The following LATS2 variants were observed in gnomAD, a reference collection of about 807,000 sequenced individuals.
The protein encoded by LATS2 is serine/threonine-protein kinase LATS2.
In LATS2, 24 loss-of-function variants were observed where a neutral mutation model predicts 76.0. The ratio of observed to expected loss-of-function variants is 0.32; its 90% CI spans 0.23 to 0.44. LATS2 has a LOEUF of 0.44. LATS2 is among the 20% of genes least tolerant of loss of function. LATS2 has a pLI of 1.00. For missense variants in LATS2, 1,286 were observed against 1,481.2 expected (o/e 0.87, Z 2.16); for synonymous variants, 692 against 635.4 (o/e 1.09, Z -1.34).
Position 21,046,059 on chromosome 13 carries a change from A to G in LATS2, c.-33T>C, listed in dbSNP as rs1873065881. 1 of 1,437,206 alleles carries G rather than the reference A, an allele frequency of 7.0e-7. No individual in the cohort carries two copies. The allele number at this position is 1,437,206 out of a possible 1,614,324, so 89.0% of individuals were successfully genotyped here. A position where few individuals can be genotyped will look rare whatever the true frequency, so the allele number is the denominator to read the frequency against. On this transcript the variant is annotated 5_prime_UTR_variant, in exon 2 of 8. Transcript: ENST00000382592. ...CCAGTTTCCTTTTACCATAAATACA[A>G]TCTTCTTAAAGTGTTTTATTATTTA...
chr13:20,988,374 G>T lies in LATS2; in HGVS notation c.1406C>A (p.Pro469His). The T allele has an allele frequency of 7.3e-7, 1 of 1,371,398 alleles. No individual in the cohort carries two copies. The highest frequency in any genetic ancestry group is 1.5e-5 in the African/African-American group (1 of 64,912). 85.0% of individuals were successfully genotyped at this position (1,371,398 alleles called of 1,614,324 possible). The change falls in exon 4 of 8, where the codon CCT becomes CAT. Residue 469 changes from proline to histidine, a missense_variant. Transcript: ENST00000382592. Reference sequence around the variant, plus strand: ...GGGGGCGGGGGCGGGGGCCGGGGCAGGCGCGGGCACCCAGGCGGGGTGCGA... The same window carrying T: ...GGGGGCGGGGGCGGGGGCCGGGGCATGCGCGGGCACCCAGGCGGGGTGCGA... ...GPSHPAWVPA[P>H]APAPAPAPAP...
At chr13:21,047,387 G>A (rs986279176) in intron 1 of LATS2, among the ~76,000 whole-genome samples, 7 of 152,160 alleles carry the variant, frequency 4.6e-5, no homozygotes, top group East Asian at 1.9e-4. Flanking sequence ...TCTTCACCCC[G>A]TGATGAATGT....
chr13:21,010,935 C>T (rs1422623937), intron 2 of LATS2, among the ~76,000 whole-genome samples: 1 of 152,252 alleles, frequency 6.6e-6, no homozygotes, highest in Non-Finnish European at 1.5e-5. Flanking sequence ...CTTTATAAAA[C>T]ACAAACACTC....
At chr13:21,044,689 GGTGTGTGT>G (rs71090554) in intron 2 of LATS2, among the ~76,000 whole-genome samples, 48,205 of 137,430 alleles carry the variant, frequency 0.35, 8,862 homozygotes, top group South Asian at 0.42. Context: ...GAGGTGTAGG[GGTGTGTGT>G]GTGTGTGTGT....
intron 2 of LATS2, among the ~76,000 whole-genome samples, chr13:21,028,716 A>G (rs947500373): frequency 2.0e-5 from 3 of 152,162 alleles, no homozygotes; most frequent in Non-Finnish European, 2.9e-5. Context: ...GATTACAGGC[A>G]TGCACCACCA....
Position 20,975,227 on chromosome 13 carries a change from G to A in LATS2, c.2910C>T (p.His970=), listed in dbSNP as rs1459111562. The change falls in exon 8 of 8, where the codon CAC becomes CAT. Residue 970 remains histidine, a synonymous_variant. Transcript: ENST00000382592. The stretch of plus-strand genomic sequence containing the variant: ...AGAAGTCAATGGCGCTGAAGAAGGG[G>A]TGGGCCTTCAGGTCATCGGCCCCAT... ...GRNGADDLKA[H]PFFSAIDFSS... The A allele has an allele frequency of 1.2e-6, 2 of 1,614,104 alleles. No individual in the cohort carries two copies. Among genetic ancestry groups the A allele is most frequent in the Non-Finnish European group, 1.7e-6 (2 of 1,180,048 alleles).
chr13:21,042,771 A>ATTG (rs1363658532), intron 2 of LATS2, among the ~76,000 whole-genome samples: 2 of 148,538 alleles, frequency 1.3e-5, no homozygotes, highest in Non-Finnish European at 3.0e-5. Context: ...GGCGGATCAC[A>ATTG]AGGTCAGGAG....
rs996670492 is a variant in LATS2, at chr13:20,988,321, T to C, written c.1459A>G (p.Lys487Glu). Residue 487 changes from lysine (K) to glutamate (E), a missense_variant, in exon 4 of 8, where the codon AAG becomes GAG. Transcript: ENST00000382592. ...CCCAGCGCCAGGGCATGCTCCTCCT[T>C]GGCGTCCAAGCCCTCCGCAGCCGGG... Reference protein sequence around the residue: ...PAPAAEGLDAKEEHALALGGA... With the variant: ...PAPAAEGLDAEEEHALALGGA... 2.8e-6 allele frequency: 4 copies of C among 1,405,540 alleles called. No homozygotes were observed. The highest frequency in any genetic ancestry group is 2.5e-5 in the South Asian group (2 of 78,836). The allele number at this position is 1,405,540 out of a possible 1,614,324, so 87.1% of individuals were successfully genotyped here. A position where few individuals can be genotyped will look rare whatever the true frequency, so the allele number is the denominator to read the frequency against.
chr13:20,991,079 C>T lies in LATS2; in HGVS notation c.475+193G>A, dbSNP rs919881871. Among the ~76,000 whole-genome samples, 6 of 152,266 alleles carry T rather than the reference C, an allele frequency of 3.9e-5. No individual in the cohort carries two copies. The highest frequency in any genetic ancestry group is 8.8e-5 in the Non-Finnish European group (6 of 68,042). ...GCCAGGCGTGTCCCACGGTCTACCA[C>T]TTGGGGCTGCTCCCGCCAGGGCCTG... is the stretch of plus-strand genomic sequence containing the variant. On this transcript the variant is annotated intron_variant, in intron 3 of 7. Transcript: ENST00000382592. This position sits in a 1 kb window ranked among gnomAD's most constrained non-coding sequence, Gnocchi z 4.9.
chr13:21,058,941 G>GA (rs61016650), intron 1 of LATS2, among the ~76,000 whole-genome samples: 4,337 of 136,384 alleles, frequency 0.032, 132 homozygotes, highest in African/African-American at 0.093. Context: ...GGTTGTTACA[G>GA]AAAAAAAAAA....
At chr13:21,003,225 C>CTAAA (rs1264834302) in intron 2 of LATS2, among the ~76,000 whole-genome samples, 1 of 151,902 alleles carries the variant, frequency 6.6e-6, no homozygotes, top group African/African-American at 2.4e-5. Flanking sequence ...TTTTGAGAAC[C>CTAAA]TAAATAAATA....
chr13:20,992,563 G>A (rs1284874843), intron 2 of LATS2, among the ~76,000 whole-genome samples: 1 of 152,204 alleles, frequency 6.6e-6, no homozygotes, highest in Non-Finnish European at 1.5e-5. Context: ...GAACACCGTT[G>A]AGGCTGGCTG....
At chr13:21,015,555 T>G (rs1326096999) in intron 2 of LATS2, among the ~76,000 whole-genome samples, 1 of 152,246 alleles carries the variant, frequency 6.6e-6, no homozygotes, top group Non-Finnish European at 1.5e-5. Flanking sequence ...TAATTTGGCT[T>G]CACTAATGCC....
intron 2 of LATS2, among the ~76,000 whole-genome samples, chr13:21,020,314 C>A (rs1244429377): frequency 1.3e-5 from 2 of 152,126 alleles, no homozygotes; most frequent in African/African-American, 2.4e-5. Context: ...ACGAACAATT[C>A]TATTATTATC....
intron 1 of LATS2, among the ~76,000 whole-genome samples, chr13:21,050,519 A>T (rs1873238929): frequency 6.6e-6 from 1 of 152,246 alleles, no homozygotes; most frequent in African/African-American, 2.4e-5. Context: ...GCAGATTCAT[A>T]CACGTAGTAT....
intron 1 of LATS2, among the ~76,000 whole-genome samples, chr13:21,048,690 A>T (rs1031177075): frequency 6.6e-6 from 1 of 152,058 alleles, no homozygotes; most frequent in African/African-American, 2.4e-5. Flanking sequence ...ATAAAAAATT[A>T]GCCAGGCATG....
chr13:21,060,243 C>T (rs535970010), intron 1 of LATS2, among the ~76,000 whole-genome samples: 2 of 152,346 alleles, frequency 1.3e-5, no homozygotes, highest in African/African-American at 4.8e-5. Flanking sequence ...CGAGGGAAAG[C>T]TCCCCAGAAG....
chr13:21,052,140 T>C (rs1873293063), intron 1 of LATS2, among the ~76,000 whole-genome samples: 1 of 152,218 alleles, frequency 6.6e-6, no homozygotes, highest in Admixed American at 6.5e-5. Context: ...ACTGTCTACC[T>C]GACAGGCTTG....
rs971126264 is a variant in LATS2 at position 21,035,802 on chromosome 13, G to A, written c.342+9883C>T. Among the ~76,000 whole-genome samples, 15 of 152,348 alleles carry A rather than the reference G, an allele frequency of 9.8e-5. No individual in the cohort carries two copies. The East Asian group carries it at 1.5e-3, about 16-fold the overall frequency. ...GCTGCAGGGACCAACACCACAGCAC[G>A]CAAGTAGCCAGTGATTCCTAGAGCC... is the stretch of plus-strand genomic sequence containing the variant. On this transcript the variant is annotated intron_variant, in intron 2 of 7. Transcript: ENST00000382592.
Sources: allele counts gnomAD v4.1 joint callset (sites outside exome capture counted in the v4.1 genomes callset), GRCh38; gene constraint gnomAD v4.1.1; non-coding constraint Gnocchi (gnomAD v3.1); transcripts MANE v1.5; gene names NCBI Gene and HGNC (gene_info 2026-07-23, HGNC 2026-07-21).